The following RCBTB1 variants were observed in gnomAD, a reference collection of about 807,000 sequenced individuals.
RCBTB1 encodes the protein RCC1 and BTB domain containing protein 1.
In RCBTB1, 46 loss-of-function variants were observed where a neutral mutation model predicts 62.4. The ratio of observed to expected loss-of-function variants is 0.74; its 90% CI spans 0.58 to 0.94. RCBTB1 has a LOEUF of 0.94. Among genes scored for constraint, RCBTB1 ranks in the 40% least tolerant of loss-of-function variants. The pLI is 0.00. For missense variants in RCBTB1, 565 were observed against 654.9 expected (o/e 0.86, Z 1.50); for synonymous variants, 222 against 245.8 (o/e 0.90, Z 0.91).
At chr13:49,579,171 A>AAAAAT (rs1352165497) in intron 2 of RCBTB1, among the ~76,000 whole-genome samples, 1 of 152,224 alleles carries the variant, frequency 6.6e-6, no homozygotes, top group Non-Finnish European at 1.5e-5. Flanking sequence ...ATTTTTAAAT[A>AAAAAT]AAAATAAAAC....
intron 1 of RCBTB1, among the ~76,000 whole-genome samples, chr13:49,582,521 A>C (rs564172281): frequency 1.3e-5 from 2 of 152,284 alleles, no homozygotes; most frequent in African/African-American, 2.4e-5. Flanking sequence ...ATGCAAGAGA[A>C]ACTGTAGAAA....
At chr13:49,583,825 A>T (rs1964242348) in intron 1 of RCBTB1, among the ~76,000 whole-genome samples, 1 of 152,120 alleles carries the variant, frequency 6.6e-6, no homozygotes, top group African/African-American at 2.4e-5. Context: ...GGGATTACAG[A>T]TGTAAGCCAC....
chr13:49,542,381 G>C (rs1322288040), intron 10 of RCBTB1, among the ~76,000 whole-genome samples: 1 of 151,978 alleles, frequency 6.6e-6, no homozygotes, highest in Non-Finnish European at 1.5e-5. Flanking sequence ...AATACTAATA[G>C]GTATACATAG....
intron 8 of RCBTB1, 161 bp downstream of exon 8, chr13:49,551,165 A>G (rs1449240847): frequency 9.4e-6 from 6 of 641,224 alleles, no homozygotes; most frequent in African/African-American, 1.9e-5. Context: ...AGGGAGGGAG[A>G]AGGAGGAAGG....
chr13:49,562,938 AT>A (rs1325484123), intron 4 of RCBTB1, among the ~76,000 whole-genome samples: 2 of 151,822 alleles, frequency 1.3e-5, no homozygotes, highest in African/African-American at 4.8e-5. Flanking sequence ...AAGGGAAACT[AT>A]TCATGAAATA....
At chr13:49,535,562 T>C (rs929865740) in intron 12 of RCBTB1, among the ~76,000 whole-genome samples, 2 of 132,100 alleles carry the variant, frequency 1.5e-5, no homozygotes, top group Non-Finnish European at 3.7e-5. Flanking sequence ...GAGGTGGGAA[T>C]GTTAGACAGA....
chr13:49,550,464 A>C lies in RCBTB1; in HGVS notation c.855-816T>G, dbSNP rs1961234492. ...TAAGGTCTCATAATCAGAAGTCAGCACTCCAGGACATAGGAGGTAAGACCT... is the reference window on the plus strand; with the variant it reads ...TAAGGTCTCATAATCAGAAGTCAGCCCTCCAGGACATAGGAGGTAAGACCT... On this transcript the variant is annotated intron_variant, in intron 8 of 12. Coordinates refer to ENST00000378302, the MANE Select transcript of RCBTB1 (RefSeq NM_018191.4). 3.1e-6 allele frequency: 3 copies of C among 977,564 alleles called. No individual in the cohort carries two copies. The African/African-American group carries it at 5.2e-5, about 17-fold the overall frequency. 60.6% of individuals were successfully genotyped at this position (977,564 alleles called of 1,614,324 possible). A position where few individuals can be genotyped will look rare whatever the true frequency, so the allele number is the denominator to read the frequency against.
At chr13:49,573,674 T>C (rs540314326) in intron 2 of RCBTB1, among the ~76,000 whole-genome samples, 9 of 152,016 alleles carry the variant, frequency 5.9e-5, no homozygotes, top group Middle Eastern at 3.2e-3. Flanking sequence ...GGTCTCAAAC[T>C]CCCGACCTCA....
At position 49,549,566 on chromosome 13, in the gene RCBTB1, A is replaced by T. The variant is rs761824838; in HGVS notation, c.937T>A (p.Cys313Ser). The T allele has an allele frequency of 6.2e-7, 1 of 1,614,174 alleles. No homozygotes were observed. Among genetic ancestry groups the T allele is most frequent in the South Asian group, 1.1e-5 (1 of 91,088 alleles). ...QGGHVYMWGQ[C>S]RGQSVILPHL... The stretch of plus-strand genomic sequence containing the variant: ...GGGAGGATCACGGACTGACCCCGGC[A>T]CTGGCCCCACATGTACACGTGCCCA... Residue 313 changes from cysteine to serine, a missense_variant, in exon 9 of 13, where the codon TGC (cysteine) becomes AGC (serine). Cys to Ser is a moderately radical substitution (Grantham distance 112). Transcript: ENST00000378302.
At chr13:49,564,583 C>CAAAAAAAAAAAAAAAAA (rs10710755) in intron 4 of RCBTB1, among the ~76,000 whole-genome samples, 3 of 39,320 alleles carry the variant, frequency 7.6e-5, no homozygotes, top group African/African-American at 3.8e-4. Flanking sequence ...GACTCCTTCT[C>CAAAAAAAAAAAAAAAAA]AAAAAAAAAA....
At position 49,534,191 on chromosome 13, in the gene RCBTB1, C is replaced by A; in HGVS notation, c.1527G>T (p.Trp509Cys). ...CCTTTAGCAGAGGGCCATCCATTTG[C>A]CAAAATGCTGCAGTCTGTGTAACTT... ...LTEVTQTAAF[W>C]QMDGPLLKEF... Residue 509 changes from tryptophan (W) to cysteine (C), a missense_variant, in exon 13 of 13, where the codon TGG (tryptophan) becomes TGT (cysteine). Coordinates refer to ENST00000378302, the MANE Select transcript of RCBTB1 (RefSeq NM_018191.4). The A allele has an allele frequency of 6.2e-7, 1 of 1,614,100 alleles. No homozygotes were observed. The highest frequency in any genetic ancestry group is 8.5e-7 in the Non-Finnish European group (1 of 1,179,974).
chr13:49,541,951 C>G, intron 10 of RCBTB1, 124 bp from the exon 11 acceptor site: 3 of 1,100,374 alleles, frequency 2.7e-6, no homozygotes, highest in Non-Finnish European at 3.8e-6. Flanking sequence ...CGTGGTGGCT[C>G]ATGCCTGTAA....
rs770793185 is a variant in RCBTB1 at position 49,567,253 on chromosome 13, G to T, written c.27C>A (p.Ile9=). MVDVGKWP[I]FTLLSPQEIA... is the part of the protein sequence containing the mutation. ...TCTCTTGAGGGGAGAGTAGAGTGAAGATGGGCCACTTTCCGACATCCACCA... is the reference window on the plus strand; with the variant it reads ...TCTCTTGAGGGGAGAGTAGAGTGAATATGGGCCACTTTCCGACATCCACCA... The change falls in exon 3 of 13, where the codon ATC becomes ATA. Residue 9 remains isoleucine, a synonymous_variant. Coordinates refer to ENST00000378302, the MANE Select transcript of RCBTB1 (RefSeq NM_018191.4). The T allele has an allele frequency of 1.2e-6, 2 of 1,614,028 alleles. No homozygotes were observed. Among genetic ancestry groups the T allele is most frequent in the Non-Finnish European group, 1.7e-6 (2 of 1,180,002 alleles).
chr13:49,581,933 G>A (rs1289334497), intron 1 of RCBTB1, among the ~76,000 whole-genome samples: 1 of 152,234 alleles, frequency 6.6e-6, no homozygotes, highest in Non-Finnish European at 1.5e-5. Flanking sequence ...GTATGTGAAA[G>A]GTGAAGAAAA....
chr13:49,539,488 C>G (rs1000119142), intron 12 of RCBTB1: 1 of 152,156 alleles, frequency 6.6e-6, no homozygotes, highest in Non-Finnish European at 1.5e-5. Flanking sequence ...TCTGCCTCTG[C>G]CCAGGTTGTT....
chr13:49,569,881 C>G (rs1427011654), intron 2 of RCBTB1, among the ~76,000 whole-genome samples: 3 of 152,012 alleles, frequency 2.0e-5, no homozygotes, highest in Non-Finnish European at 4.4e-5. Context: ...GCACTCTAAC[C>G]TGGGTGACAG....
chr13:49,539,945 C>A (rs1369132896), intron 12 of RCBTB1, among the ~76,000 whole-genome samples: 1 of 152,174 alleles, frequency 6.6e-6, no homozygotes, highest in Non-Finnish European at 1.5e-5. Flanking sequence ...CAGATCTTTG[C>A]AGGTGTTTGA....
intron 4 of RCBTB1, among the ~76,000 whole-genome samples, chr13:49,563,289 T>A (rs768735589): frequency 7.0e-5 from 9 of 129,236 alleles, no homozygotes; most frequent in Non-Finnish European, 1.4e-4. Flanking sequence ...GAGGTCAAGG[T>A]TGCAATGAGC....
chr13:49,544,997 G>A, intron 9 of RCBTB1, 134 bp from the exon 10 acceptor site: 1 of 656,504 alleles, frequency 1.5e-6, no homozygotes, highest in Non-Finnish European at 2.5e-6. Context: ...TACCTTGTTT[G>A]ACAAATCAAT....
Sources: allele counts gnomAD v4.1 joint callset (sites outside exome capture counted in the v4.1 genomes callset), GRCh38; gene constraint gnomAD v4.1.1; transcripts MANE v1.5; gene names NCBI Gene and HGNC (gene_info 2026-07-23, HGNC 2026-07-21).